Variants in FOXJ3 observed in about 807,000 individuals in gnomAD.
FOXJ3 encodes forkhead box protein J3.
FOXJ3 carries 22 observed loss-of-function variants against 76.1 expected under a neutral mutation model. The observed-to-expected ratio is 0.29, with a 90% confidence interval of 0.21 to 0.41. The LOEUF (loss-of-function observed/expected upper bound fraction) is 0.41. Among genes scored for constraint, FOXJ3 ranks in the 10% least tolerant of loss-of-function variants. The pLI is 1.00. For missense variants in FOXJ3, 613 were observed against 762.1 expected, an observed-to-expected ratio of 0.80 and a Z score of 2.30; for synonymous variants, 269 against 261.2, an observed-to-expected ratio of 1.03 and a Z score of -0.29.
intron 3 of FOXJ3, among the ~76,000 whole-genome samples, chr1:42,266,727 A>G (rs1016787819): frequency 3.3e-5 from 5 of 152,124 alleles, no homozygotes; most frequent in Non-Finnish European, 7.4e-5. Flanking sequence ...ACAGGAAGAA[A>G]GTGATTGACA....
At chr1:42,187,399 G>A (rs1170563645) in intron 11 of FOXJ3, among the ~76,000 whole-genome samples, 3 of 152,106 alleles carry the variant, frequency 2.0e-5, no homozygotes, top group Non-Finnish European at 4.4e-5. Flanking sequence ...AAGAGGAAAG[G>A]AGAAAAAAGG....
intron 7 of FOXJ3, among the ~76,000 whole-genome samples, chr1:42,196,657 C>T (rs955500102): frequency 5.9e-5 from 9 of 152,176 alleles, no homozygotes; most frequent in African/African-American, 2.2e-4. Context: ...CACACCATTG[C>T]ACTTCAGTCT....
intron 2 of FOXJ3, among the ~76,000 whole-genome samples, chr1:42,280,081 C>A (rs569333558): frequency 1.8e-4 from 28 of 152,146 alleles, no homozygotes; most frequent in African/African-American, 6.7e-4. Context: ...CCAGTTTCCT[C>A]ATCTGTAAAA....
At chr1:42,305,137 A>G (rs919763048) in intron 2 of FOXJ3, among the ~76,000 whole-genome samples, 1 of 152,214 alleles carries the variant, frequency 6.6e-6, no homozygotes. Flanking sequence ...GGTGTATGAA[A>G]AAGTGCTCAA....
At chr1:42,275,010 G>A (rs1340737009) in intron 3 of FOXJ3, among the ~76,000 whole-genome samples, 3 of 151,820 alleles carry the variant, frequency 2.0e-5, no homozygotes, top group African/African-American at 4.8e-5. Flanking sequence ...ATGAAAGGAA[G>A]GTACAAAAAA....
chr1:42,324,085 T>G (rs1314723614), intron 1 of FOXJ3, among the ~76,000 whole-genome samples: 2 of 142,308 alleles, frequency 1.4e-5, no homozygotes, highest in Non-Finnish European at 3.0e-5. Flanking sequence ...ATATAGTATA[T>G]ATACTGTATA....
intron 2 of FOXJ3, among the ~76,000 whole-genome samples, chr1:42,284,244 G>A (rs552910837): frequency 7.9e-5 from 12 of 152,192 alleles, no homozygotes; most frequent in Admixed American, 1.3e-4. Context: ...GAATTAATGA[G>A]TTAATAAATT....
At chr1:42,281,969 G>C (rs1652749571) in intron 2 of FOXJ3, among the ~76,000 whole-genome samples, 1 of 151,738 alleles carries the variant, frequency 6.6e-6, no homozygotes, top group Non-Finnish European at 1.5e-5. Context: ...TGAGGCAGGA[G>C]AATCACTTGA....
intron 5 of FOXJ3, among the ~76,000 whole-genome samples, chr1:42,226,074 T>C (rs1238186847): frequency 1.3e-5 from 2 of 152,224 alleles, no homozygotes; most frequent in East Asian, 3.8e-4. Flanking sequence ...AACAATGCTA[T>C]GTGTTTTTTA....
chr1:42,191,646 A>G lies in FOXJ3; in HGVS notation c.1008T>C (p.Ser336=), dbSNP rs1368973847. Residue 336 remains serine, a synonymous_variant, in exon 9 of 13, where the codon AGT becomes AGC. Transcript: ENST00000361346. ...TGCTGTGTGGGTGAGTGCTCACTGTACTGCTGGGAGAGTGCTGATAGGTAC... is the reference window on the plus strand; with the variant it reads ...TGCTGTGTGGGTGAGTGCTCACTGTGCTGCTGGGAGAGTGCTGATAGGTAC... ...TSCTYQHSPS[S]TVSTHPHSNQ... is the part of the protein sequence containing the mutation. The G allele has an allele frequency of 1.9e-6, 3 of 1,614,170 alleles. No individual in the cohort carries two copies. The highest frequency in any genetic ancestry group is 2.5e-6 in the Non-Finnish European group (3 of 1,180,018).
chr1:42,229,924 G>C (rs1647927505), intron 4 of FOXJ3, among the ~76,000 whole-genome samples: 1 of 152,182 alleles, frequency 6.6e-6, no homozygotes, highest in African/African-American at 2.4e-5. Context: ...TTGGATGGGT[G>C]TGTATATGTG....
Position 42,222,008 on chromosome 1 carries a change from AGGAGAAGGAGAAGGGGGAGGGGG to A in FOXJ3, c.528+5852_528+5874del, listed in dbSNP as rs1647205856. 2.7e-3 allele frequency among the ~76,000 whole-genome samples: 12 copies of A among 4,396 alleles called. 2 individuals are homozygous for A. Among genetic ancestry groups the A allele is most frequent in the Non-Finnish European group, 2.9e-3 (5 of 1,728 alleles). 2.9% of individuals were successfully genotyped at this position (4,396 alleles called of 152,430 possible). Reference sequence around the variant, plus strand: ...GAGGGGGAGGGGGAGGGGGAGGAGGAGGAGAAGGAGAAGGGGGAGGGGGAGGAGAAGGAGAAGGAGAAGAAGAA... The same window carrying A: ...GAGGGGGAGGGGGAGGGGGAGGAGGAAGGAGAAGGAGAAGGAGAAGAAGAA... On this transcript the variant is annotated intron_variant, in intron 5 of 12. Coordinates refer to ENST00000361346, the MANE Select transcript of FOXJ3 (RefSeq NM_014947.5).
At chr1:42,192,763 GA>G (rs11331928) in intron 8 of FOXJ3, among the ~76,000 whole-genome samples, 4,471 of 138,024 alleles carry the variant, frequency 0.032, 217 homozygotes, top group African/African-American at 0.11. Context: ...TTTATTGAAT[GA>G]AAAAAAAAAA....
At chr1:42,318,008 T>C (rs767616035) in intron 1 of FOXJ3, among the ~76,000 whole-genome samples, 2 of 152,166 alleles carry the variant, frequency 1.3e-5, no homozygotes, top group Non-Finnish European at 2.9e-5. Context: ...AAGCCAGCAC[T>C]CATATTTATT....
chr1:42,204,481 AC>A (rs1200117622), intron 6 of FOXJ3, among the ~76,000 whole-genome samples: 1 of 152,150 alleles, frequency 6.6e-6, no homozygotes, highest in Non-Finnish European at 1.5e-5. Flanking sequence ...TAGTAACCAC[AC>A]TATCATCTAT....
At chr1:42,201,612 G>C (rs1646766176) in intron 6 of FOXJ3, among the ~76,000 whole-genome samples, 1 of 152,096 alleles carries the variant, frequency 6.6e-6, no homozygotes, top group South Asian at 2.1e-4. Flanking sequence ...TGTATTGCTG[G>C]GTTAAATTAG....
At chr1:42,314,019 C>T (rs2124762919) in intron 1 of FOXJ3, among the ~76,000 whole-genome samples, 3 of 152,328 alleles carry the variant, frequency 2.0e-5, no homozygotes, top group Middle Eastern at 6.8e-3. Flanking sequence ...TCTTAATATA[C>T]TTCCTTCCTG....
At position 42,278,597 on chromosome 1, in the gene FOXJ3, T is replaced by G. The variant is rs755155979; in HGVS notation, c.120A>C (p.Gln40His). ...GTGCATTTTGTGTAGCATCAGATTT[T>G]TGGATGGCTGCTCTCATGGTGAGCT... ...LPQLTMRAAI[Q>H]KSDATQNAHG... The change falls in exon 3 of 13, where the codon CAA (glutamine) becomes CAC (histidine). Residue 40 changes from glutamine to histidine, a missense_variant. Physicochemically the swap from Gln to His is conservative, Grantham distance 24. This residue lies in a region of FOXJ3 where 77 missense variants were observed against 115.1 expected (regional missense o/e 0.67). Transcript: ENST00000361346. 33 of 1,614,066 alleles carry G rather than the reference T, an allele frequency of 2.0e-5. No homozygotes were observed. Among genetic ancestry groups the G allele is most frequent in the Non-Finnish European group, 2.7e-5 (32 of 1,180,026 alleles).
intron 2 of FOXJ3, among the ~76,000 whole-genome samples, chr1:42,287,837 C>T (rs973341597): frequency 6.6e-6 from 1 of 151,954 alleles, no homozygotes; most frequent in African/African-American, 2.4e-5. Context: ...GGTAGTGTGT[C>T]CCTGTAGTCC....
Sources: allele counts gnomAD v4.1 joint callset (sites outside exome capture counted in the v4.1 genomes callset), GRCh38; gene constraint gnomAD v4.1.1; regional missense constraint gnomAD v4.1.1; transcripts MANE v1.5; gene names NCBI Gene and HGNC (gene_info 2026-07-23, HGNC 2026-07-21).